The following DGKB variants were observed in gnomAD, a reference collection of about 807,000 sequenced individuals.
DGKB encodes the protein diacylglycerol kinase beta.
In DGKB, 67 loss-of-function variants were observed where a neutral mutation model predicts 114.3. The ratio of observed to expected loss-of-function variants is 0.59; its 90% CI spans 0.48 to 0.72. The LOEUF is 0.72. Ranked by LOEUF, DGKB falls within the 30% of genes least tolerant of loss-of-function variation. The pLI, the probability that DGKB is intolerant of heterozygous loss-of-function variation, is 0.00. For synonymous variants in DGKB, 398 were observed against 323.1 expected, an observed-to-expected ratio of 1.23 and a Z score of -2.49; for missense variants, 907 against 975.2, an observed-to-expected ratio of 0.93 and a Z score of 0.93.
intron 23 of DGKB, among the ~76,000 whole-genome samples, chr7:14,277,193 CAG>C (rs1424586258): frequency 2.0e-5 from 3 of 150,994 alleles, no homozygotes; most frequent in Non-Finnish European, 4.4e-5. Flanking sequence ...TTTTTTGAGA[CAG>C]AGTCTCACTC....
At chr7:14,614,408 C>G (rs1256501416) in intron 15 of DGKB, among the ~76,000 whole-genome samples, 2 of 151,988 alleles carry the variant, frequency 1.3e-5, no homozygotes, top group East Asian at 3.9e-4. Flanking sequence ...AATTTAATAA[C>G]AAAAGTATTC....
intron 21 of DGKB, among the ~76,000 whole-genome samples, chr7:14,371,906 G>C (rs1258722679): frequency 6.6e-6 from 1 of 152,168 alleles, no homozygotes; most frequent in East Asian, 1.9e-4. Context: ...TCCAGAGCAG[G>C]CATGCCAATC....
intron 21 of DGKB, among the ~76,000 whole-genome samples, chr7:14,358,909 C>T (rs1053223010): frequency 6.6e-6 from 1 of 152,086 alleles, no homozygotes; most frequent in African/African-American, 2.4e-5. Flanking sequence ...CCCCATCAAG[C>T]TACCAATGAC....
At chr7:14,643,742 G>A (rs1812317422) in intron 13 of DGKB, among the ~76,000 whole-genome samples, 1 of 152,186 alleles carries the variant, frequency 6.6e-6, no homozygotes, top group Non-Finnish European at 1.5e-5. Flanking sequence ...CCCTCTAGCA[G>A]TGGGGCCACC....
intron 21 of DGKB, among the ~76,000 whole-genome samples, chr7:14,435,790 T>G (rs1783631077): frequency 6.6e-6 from 1 of 152,086 alleles, no homozygotes; most frequent in Admixed American, 6.6e-5. Flanking sequence ...ATATTTAAAT[T>G]TCTATTATAA....
At chr7:14,319,995 T>C (rs1455337438) in intron 23 of DGKB, among the ~76,000 whole-genome samples, 1 of 152,162 alleles carries the variant, frequency 6.6e-6, no homozygotes, top group African/African-American at 2.4e-5. Context: ...GCTCTGCTCA[T>C]TGGGAATTTC....
At chr7:14,641,584 C>T (rs1811812987) in intron 13 of DGKB, among the ~76,000 whole-genome samples, 1 of 151,334 alleles carries the variant, frequency 6.6e-6, no homozygotes, top group Non-Finnish European at 1.5e-5. Flanking sequence ...TAGAATTTAC[C>T]TTACTTTATT....
intron 25 of DGKB, among the ~76,000 whole-genome samples, chr7:14,150,288 C>A (rs1782000657): frequency 6.6e-6 from 1 of 152,066 alleles, no homozygotes; most frequent in Admixed American, 6.6e-5. Flanking sequence ...CAAAAAGAAG[C>A]ACCACCTCAT....
intron 1 of DGKB, among the ~76,000 whole-genome samples, chr7:14,971,441 A>G (rs1020550932): frequency 6.6e-6 from 1 of 152,140 alleles, no homozygotes; most frequent in Non-Finnish European, 1.5e-5. Context: ...TCTAGCCACA[A>G]GATAGCTGTC....
intron 23 of DGKB, among the ~76,000 whole-genome samples, chr7:14,313,472 G>A (rs7787200): frequency 0.012 from 1,862 of 152,192 alleles, 21 homozygotes; most frequent in African/African-American, 0.034. Context: ...AAGCGCAAGG[G>A]GTCAGGGAGT....
chr7:14,596,978 C>G (rs1802688664), intron 17 of DGKB, among the ~76,000 whole-genome samples: 1 of 152,142 alleles, frequency 6.6e-6, no homozygotes. Flanking sequence ...GAAAGGAGTC[C>G]TTGCAAGTGA....
At chr7:14,830,145 C>CT (rs1191743943) in intron 2 of DGKB, among the ~76,000 whole-genome samples, 4 of 144,640 alleles carry the variant, frequency 2.8e-5, no homozygotes, top group East Asian at 2.0e-4. Flanking sequence ...CTGACCAGTA[C>CT]TTTTTAAAAA....
At chr7:14,656,618 G>A (rs1237934341) in intron 13 of DGKB, among the ~76,000 whole-genome samples, 1 of 151,112 alleles carries the variant, frequency 6.6e-6, no homozygotes, top group African/African-American at 2.4e-5. Flanking sequence ...GTCTTATGGG[G>A]CTTTTGTTTG....
At chr7:14,446,417 G>A (rs560860846) in intron 21 of DGKB, among the ~76,000 whole-genome samples, 1 of 152,118 alleles carries the variant, frequency 6.6e-6, no homozygotes, top group Non-Finnish European at 1.5e-5. Flanking sequence ...TGATACAATA[G>A]GGCAAAGAGC....
intron 17 of DGKB, among the ~76,000 whole-genome samples, chr7:14,587,435 A>G (rs1404643017): frequency 6.6e-6 from 1 of 152,144 alleles, no homozygotes; most frequent in African/African-American, 2.4e-5. Context: ...CCTAGTAAAG[A>G]TGCTGTGAAC....
chr7:14,916,098 G>A (rs922563919), intron 1 of DGKB, among the ~76,000 whole-genome samples: 1 of 141,416 alleles, frequency 7.1e-6, no homozygotes, highest in Non-Finnish European at 1.5e-5. Context: ...GTACATGCAT[G>A]TACCATCTTT....
intron 2 of DGKB, chr7:14,814,183 G>A (rs1843788997): frequency 6.6e-6 from 1 of 152,074 alleles, no homozygotes; most frequent in African/African-American, 2.4e-5. Flanking sequence ...GATATAAAAG[G>A]ATATCCTTCA....
At chr7:14,950,599 C>A (rs896503727) in intron 1 of DGKB, among the ~76,000 whole-genome samples, 1 of 151,790 alleles carries the variant, frequency 6.6e-6, no homozygotes, top group Non-Finnish European at 1.5e-5. Context: ...AATAAGGCAA[C>A]AGGTTAAATC....
chr7:14,790,812 C>T (rs1374025984), intron 2 of DGKB, among the ~76,000 whole-genome samples: 1 of 152,054 alleles, frequency 6.6e-6, no homozygotes, highest in Non-Finnish European at 1.5e-5. Context: ...TTAGCATACG[C>T]TTTAAATAAA....
Sources: allele counts gnomAD v4.1 joint callset (sites outside exome capture counted in the v4.1 genomes callset), GRCh38; gene constraint gnomAD v4.1.1; transcripts MANE v1.5; gene names NCBI Gene and HGNC (gene_info 2026-07-23, HGNC 2026-07-21).